TAOK2: variants seen among roughly 807,000 people sequenced by gnomAD.
TAOK2 encodes TAO kinase 2.
A neutral mutation model predicts 122.5 loss-of-function variants in TAOK2; 42 were observed. The ratio of observed to expected loss-of-function variants is 0.34; its 90% confidence interval spans 0.27 to 0.44. TAOK2 has a LOEUF of 0.44. Among genes scored for constraint, TAOK2 ranks in the 20% least tolerant of loss-of-function variants. The pLI is 1.00. For synonymous variants in TAOK2, 704 were observed against 677.6 expected (o/e 1.04, Z -0.61); for missense variants, 1,264 against 1,644.9 (o/e 0.77, Z 4.01).
At position 29,985,173 on chromosome 16, in the gene TAOK2, C is replaced by T. The variant is rs372774773; in HGVS notation, c.1423-40C>T. The T allele has an allele frequency of 4.7e-6, 7 of 1,476,036 alleles. No homozygotes were observed. The African/African-American group carries it at 7.0e-5, about 15-fold the overall frequency. The allele number at this position is 1,476,036 out of a possible 1,614,324, so 91.4% of individuals were successfully genotyped here. ...ACCCCTTGTGTTAATTAACTAGGGGCCAGGCTGAGCCCCAGCTCTCACCCT... is the reference window on the plus strand; with the variant it reads ...ACCCCTTGTGTTAATTAACTAGGGGTCAGGCTGAGCCCCAGCTCTCACCCT... On this transcript the variant is annotated intron_variant, in intron 13 of 15. Transcript: ENST00000308893. The surrounding 1 kb of genome is among the most constrained non-coding windows in gnomAD (Gnocchi z 6.9).
chr16:29,978,864 A>C lies in TAOK2; in HGVS notation c.352+20A>C, dbSNP rs747101495. ...TAGAAGGTAAGTGACTGATAGGCCAATAAGTGGAGAAGGGAGAAGAGCAGG... is the reference window on the plus strand; with the variant it reads ...TAGAAGGTAAGTGACTGATAGGCCACTAAGTGGAGAAGGGAGAAGAGCAGG... On this transcript the variant is annotated intron_variant, in intron 5 of 15. Coordinates refer to ENST00000308893, the MANE Select transcript of TAOK2 (RefSeq NM_016151.4). 1.2e-6 allele frequency: 2 copies of C among 1,614,108 alleles called. No individual in the cohort carries two copies. Among genetic ancestry groups the C allele is most frequent in the Non-Finnish European group, 1.7e-6 (2 of 1,180,000 alleles).
At chr16:29,976,722 G>C (rs1445290409) in intron 1 of TAOK2, among the ~76,000 whole-genome samples, 1 of 152,204 alleles carries the variant, frequency 6.6e-6, no homozygotes, top group East Asian at 1.9e-4. Context: ...CTGAGCTTGG[G>C]GTGACAGCTG....
In TAOK2 at chr16:29,986,513, A is replaced by G. The variant is rs1275802684; in HGVS notation, c.2241A>G (p.Ala747=). The change falls in exon 16 of 16, where the codon GCA becomes GCG. Residue 747 remains alanine, a synonymous_variant. Coordinates refer to ENST00000308893, the MANE Select transcript of TAOK2 (RefSeq NM_016151.4). The surrounding 1 kb of genome is among the most constrained non-coding windows in gnomAD (Gnocchi z 4.2). ...RQQPKSLKVR[A]GQRPPGLPLP... ...AGCCCAAGAGCCTCAAAGTACGTGC[A>G]GGCCAGCGCCCCCCGGGCCTTCCAC... is the stretch of plus-strand genomic sequence containing the variant. 4 of 1,611,062 alleles carry G rather than the reference A, an allele frequency of 2.5e-6. No homozygotes were observed. The highest frequency in any genetic ancestry group is 8.5e-7 in the Non-Finnish European group (1 of 1,178,644).
Position 29,978,245 on chromosome 16 carries a change from C to T in TAOK2, c.205-7C>T, listed in dbSNP as rs1446549040. The T allele has an allele frequency of 3.1e-6, 5 of 1,614,048 alleles. No homozygotes were observed. Among genetic ancestry groups the T allele is most frequent in the Non-Finnish European group, 3.4e-6 (4 of 1,179,962 alleles). On this transcript the variant is annotated splice_polypyrimidine_tract_variant and splice_region_variant and intron_variant, in intron 3 of 15. Transcript: ENST00000308893. ...CTGGGTAACCTCTGCCTACCCTGACCCCCTAGAAATGGCAAGACATCATCA... is the reference window on the plus strand; with the variant it reads ...CTGGGTAACCTCTGCCTACCCTGACTCCCTAGAAATGGCAAGACATCATCA...
intron 1 of TAOK2, among the ~76,000 whole-genome samples, chr16:29,976,034 T>C (rs1460547889): frequency 6.6e-6 from 1 of 152,216 alleles, no homozygotes; most frequent in Non-Finnish European, 1.5e-5. Flanking sequence ...AAGGTGGTTA[T>C]GATTTAGCAC....
Position 29,986,236 on chromosome 16 carries a change from C to T in TAOK2, c.1993-29C>T. The T allele has an allele frequency of 6.6e-7, 1 of 1,508,974 alleles. No homozygotes were observed. The highest frequency in any genetic ancestry group is 8.8e-7 in the Non-Finnish European group (1 of 1,130,002). The allele number at this position is 1,508,974 out of a possible 1,614,324, so 93.5% of individuals were successfully genotyped here. A position where few individuals can be genotyped will look rare whatever the true frequency, so the allele number is the denominator to read the frequency against. ...TCTCACTTCCTTGATACTGACCAGGCCCCGGGCCCTGCATTTCTTCTGCCT... is the reference window on the plus strand; with the variant it reads ...TCTCACTTCCTTGATACTGACCAGGTCCCGGGCCCTGCATTTCTTCTGCCT... On this transcript the variant is annotated intron_variant, in intron 15 of 15. Coordinates refer to ENST00000308893, the MANE Select transcript of TAOK2 (RefSeq NM_016151.4). The surrounding 1 kb of genome is among the most constrained non-coding windows in gnomAD (Gnocchi z 4.2).
downstream of TAOK2, chr16:29,989,817 G>A (rs755049313): frequency 3.1e-6 from 5 of 1,611,866 alleles, no homozygotes; most frequent in African/African-American, 6.7e-5. Flanking sequence ...TGAGGCCTGG[G>A]GTCCAGGGAG....
chr16:29,983,656 G>A lies in TAOK2; in HGVS notation c.1414G>A (p.Ala472Thr), dbSNP rs2069691522. ...NRDHFATIRT[A>T]SLVSRQIQEH... ...AGACCACTTTGCCACCATCCGAACCGCCTCCCTGGTGAGTGTAGCCATCCT... is the reference window on the plus strand; with the variant it reads ...AGACCACTTTGCCACCATCCGAACCACCTCCCTGGTGAGTGTAGCCATCCT... Residue 472 changes from alanine (A) to threonine (T), a missense_variant, in exon 13 of 16, where the codon GCC (alanine) becomes ACC (threonine). Transcript: ENST00000308893. 1 of 1,610,742 alleles carries A rather than the reference G, an allele frequency of 6.2e-7. No homozygotes were observed. Among genetic ancestry groups the A allele is most frequent in the Non-Finnish European group, 8.5e-7 (1 of 1,179,178 alleles).
intron 13 of TAOK2, among the ~76,000 whole-genome samples, chr16:29,984,034 G>T (rs1449286809): frequency 1.3e-5 from 2 of 152,018 alleles, no homozygotes; most frequent in Non-Finnish European, 2.9e-5. Flanking sequence ...TGTGCTGGGG[G>T]TGTCCAGTGC....
chr16:29,989,460 C>CT, downstream of TAOK2: 1 of 1,497,390 alleles, frequency 6.7e-7, no homozygotes, highest in Non-Finnish European at 8.9e-7. Flanking sequence ...CTCTCCCTGT[C>CT]TCTGCTTCTG....
Position 29,983,538 on chromosome 16 carries a change from A to G in TAOK2, c.1296A>G (p.Pro432=). The G allele has an allele frequency of 6.2e-7, 1 of 1,613,526 alleles. No homozygotes were observed. Among genetic ancestry groups the G allele is most frequent in the African/African-American group, 1.3e-5 (1 of 74,918 alleles). ...SDNLYDDPYQ[P]EITPSPLQPP... Reference sequence around the variant, plus strand: ...ACCTATATGATGACCCCTACCAGCCAGAGATAACCCCCAGCCCTCTCCAGC... The same window carrying G: ...ACCTATATGATGACCCCTACCAGCCGGAGATAACCCCCAGCCCTCTCCAGC... Residue 432 remains proline (P), a synonymous_variant, in exon 13 of 16, where the codon CCA becomes CCG. Transcript: ENST00000308893.
downstream of TAOK2, chr16:29,991,289 T>TCCTCCACCAGGCATGCCC: frequency 6.2e-7 from 1 of 1,611,634 alleles, no homozygotes; most frequent in Non-Finnish European, 8.5e-7. The surrounding 1 kb of genome is among the most constrained non-coding windows in gnomAD (Gnocchi z 5.6). Flanking sequence ...GCCATGGCCC[T>TCCTCCACCAGGCATGCCC]CCTCCACCAG....
intron 11 of TAOK2, 70 bp downstream of exon 11, chr16:29,982,971 C>T: frequency 6.2e-7 from 1 of 1,604,038 alleles, no homozygotes; most frequent in Admixed American, 1.7e-5. Flanking sequence ...TGCTTGGCCC[C>T]TTCCCCAGCC....
Position 29,979,432 on chromosome 16 carries a change from G to T in TAOK2, c.579G>T (p.Val193=). 6.3e-7 allele frequency: 1 copy of T among 1,587,002 alleles called. No homozygotes were observed. Among genetic ancestry groups the T allele is most frequent in the Non-Finnish European group, 8.6e-7 (1 of 1,164,518 alleles). ...VGTPYWMAPE[V]ILAMDEGQYD... is the part of the protein sequence containing the mutation. ...ATTCTCCTAGGATGGCACCCGAGGT[G>T]ATCCTGGCCATGGATGAGGGGCAGT... Residue 193 remains valine (V), a synonymous_variant, in exon 8 of 16, where the codon GTG becomes GTT. Transcript: ENST00000308893. The surrounding 1 kb of genome is among the most constrained non-coding windows in gnomAD (Gnocchi z 4.1).
chr16:29,980,320 A>G (rs2069575534), intron 8 of TAOK2: 1 of 152,218 alleles, frequency 6.6e-6, no homozygotes, highest in South Asian at 2.1e-4. Context: ...TCTCTTATCA[A>G]CAGCCTCCTG....
chr16:29,982,977 C>T, intron 11 of TAOK2, 76 bp downstream of exon 11: 2 of 1,602,760 alleles, frequency 1.2e-6, no homozygotes, highest in South Asian at 1.1e-5. Context: ...GCCCCTTCCC[C>T]AGCCCTACTC....
At chr16:29,976,804 C>G (rs867462819) in intron 1 of TAOK2, among the ~76,000 whole-genome samples, 229 of 152,310 alleles carry the variant, frequency 1.5e-3, no homozygotes, top group African/African-American at 4.8e-3. Context: ...AGTCCTTTTT[C>G]TTCTCTGTGC....
chr16:29,983,395 T>C, intron 12 of TAOK2, 63 bp downstream of exon 12: 2 of 1,560,796 alleles, frequency 1.3e-6, no homozygotes, highest in South Asian at 1.2e-5. Flanking sequence ...GTCTTCGCCC[T>C]CCTTCCCTAA....
rs778089235 is a variant in TAOK2, at chr16:29,987,930, G to A, written c.3658G>A (p.Gly1220Arg). ...SRQPLPGTLA[G>R]RRSRTRQSRA... ...CCAGCCACTGCCAGGGACTCTAGCC[G>A]GGCGGAGGTCACGCACCCGCCAGTC... The change falls in exon 16 of 16, where the codon GGG becomes AGG. Residue 1220 changes from glycine to arginine, a missense_variant. Transcript: ENST00000308893. 1.4e-5 allele frequency: 22 copies of A among 1,547,006 alleles called. No individual in the cohort carries two copies. Among genetic ancestry groups the A allele is most frequent in the South Asian group, 1.1e-4 (9 of 80,468 alleles).
Sources: allele counts gnomAD v4.1 joint callset (sites outside exome capture counted in the v4.1 genomes callset), GRCh38; gene constraint gnomAD v4.1.1; non-coding constraint Gnocchi (gnomAD v3.1); transcripts MANE v1.5; gene names NCBI Gene and HGNC (gene_info 2026-07-23, HGNC 2026-07-21).